The following UBE4B variants were observed in gnomAD, a reference collection of about 807,000 sequenced individuals.
UBE4B encodes the protein ubiquitination factor E4B, also known as ubiquitin conjugation factor E4 B.
UBE4B carries 27 observed loss-of-function variants against 148.1 expected under a neutral mutation model. That is an observed-to-expected ratio of 0.18 (90% CI 0.13 to 0.25). UBE4B has a LOEUF of 0.25. UBE4B is among the 10% of genes least tolerant of loss of function. The probability of loss-of-function intolerance (pLI) is 1.00; values close to 1 mark genes in which losing one functional copy is unlikely to be tolerated. For missense variants in UBE4B, 1,170 were observed against 1,662.4 expected (o/e 0.70, Z 5.15); for synonymous variants, 596 against 619.3 (o/e 0.96, Z 0.56).
At chr1:10,050,461 G>C (rs983216093) in intron 1 of UBE4B, among the ~76,000 whole-genome samples, 5 of 152,192 alleles carry the variant, frequency 3.3e-5, no homozygotes, top group Non-Finnish European at 4.4e-5. Context: ...GCAGCTGAAG[G>C]AGTAGGTGAT....
At chr1:10,116,454 C>T (rs1178309544) in intron 7 of UBE4B, among the ~76,000 whole-genome samples, 1 of 152,102 alleles carries the variant, frequency 6.6e-6, no homozygotes, top group Non-Finnish European at 1.5e-5. Context: ...TATTACCATC[C>T]TTTATCATCT....
intron 1 of UBE4B, among the ~76,000 whole-genome samples, chr1:10,068,035 T>G (rs1222552955): frequency 1.3e-5 from 2 of 149,462 alleles, no homozygotes; most frequent in African/African-American, 2.5e-5. Context: ...GCCAGTTTTT[T>G]TTTTTTTTTT....
chr1:10,059,357 G>T, intron 1 of UBE4B: 1 of 185,448 alleles, frequency 5.4e-6, no homozygotes, highest in Non-Finnish European at 1.2e-5. Flanking sequence ...TTCTGTAAGA[G>T]TCTGAAGGAC....
intron 7 of UBE4B, among the ~76,000 whole-genome samples, chr1:10,113,907 A>T (rs1442790016): frequency 6.6e-6 from 1 of 152,112 alleles, no homozygotes; most frequent in Non-Finnish European, 1.5e-5. Flanking sequence ...TCTACTAAAA[A>T]TACAAAAATT....
intron 1 of UBE4B, among the ~76,000 whole-genome samples, chr1:10,055,851 G>A (rs570236211): frequency 8.3e-4 from 127 of 152,296 alleles, no homozygotes; most frequent in African/African-American, 2.9e-3. Flanking sequence ...AGCTGGGGAT[G>A]GAGGTTGCAG....
chr1:10,080,075 G>T (rs1644651601), intron 2 of UBE4B, among the ~76,000 whole-genome samples: 1 of 152,092 alleles, frequency 6.6e-6, no homozygotes, highest in African/African-American at 2.4e-5. Flanking sequence ...CAGGCTCCCG[G>T]CTATGCATTG....
intron 27 of UBE4B, 111 bp from the exon 28 acceptor site, chr1:10,179,784 A>C (rs1172846696): frequency 6.9e-7 from 1 of 1,454,556 alleles, no homozygotes; most frequent in East Asian, 2.3e-5. Context: ...TCTTCGGCTC[A>C]ATGAGGGAAA....
chr1:10,161,189 C>T lies in UBE4B; in HGVS notation c.3101C>T (p.Thr1034Met). The T allele has an allele frequency of 6.2e-7, 1 of 1,614,108 alleles. No homozygotes were observed. Among genetic ancestry groups the T allele is most frequent in the Non-Finnish European group, 8.5e-7 (1 of 1,180,014 alleles). Residue 1034 changes from threonine (T) to methionine (M), a missense_variant, in exon 23 of 28, where the codon ACG becomes ATG. By Grantham distance (81) the Thr-to-Met change is moderately conservative. Coordinates refer to ENST00000343090, the MANE Select transcript of UBE4B (RefSeq NM_001105562.3). This position sits in a 1 kb window ranked among gnomAD's most constrained non-coding sequence, Gnocchi z 4.1. ...VRYINMLIND[T>M]TFLLDESLES... ...TATATAAACATGTTGATAAACGACA[C>T]GACGTTTTTGCTCGATGAAAGTCTG...
intron 21 of UBE4B, among the ~76,000 whole-genome samples, chr1:10,153,243 A>C (rs373722567): frequency 6.6e-6 from 1 of 152,058 alleles, no homozygotes; most frequent in African/African-American, 2.4e-5. Flanking sequence ...CGGTGACTCC[A>C]GCTAATAATC....
At chr1:10,169,042 C>T (rs567885485) in intron 24 of UBE4B, among the ~76,000 whole-genome samples, 1 of 152,236 alleles carries the variant, frequency 6.6e-6, no homozygotes, top group African/African-American at 2.4e-5. Flanking sequence ...TAATGGGAGC[C>T]GGCCATCACT....
intron 25 of UBE4B, among the ~76,000 whole-genome samples, chr1:10,173,804 C>T (rs1646373907): frequency 6.6e-6 from 1 of 152,208 alleles, no homozygotes; most frequent in Admixed American, 6.5e-5. Flanking sequence ...CTTAACGTAA[C>T]ACACAGAAGG....
At chr1:10,171,888 A>G (rs756534871) in intron 25 of UBE4B, among the ~76,000 whole-genome samples, 2 of 152,172 alleles carry the variant, frequency 1.3e-5, no homozygotes, top group Non-Finnish European at 2.9e-5. Context: ...CTCAAAATAA[A>G]TAAATAAGTA....
intron 2 of UBE4B, among the ~76,000 whole-genome samples, chr1:10,084,393 A>G (rs1644730912): frequency 1.3e-5 from 2 of 152,010 alleles, no homozygotes; most frequent in African/African-American, 4.8e-5. Flanking sequence ...CTCTTCATGT[A>G]ATTCACTATC....
chr1:10,039,697 G>C (rs192694792), intron 1 of UBE4B, among the ~76,000 whole-genome samples: 1 of 151,616 alleles, frequency 6.6e-6, no homozygotes, highest in African/African-American at 2.4e-5. Flanking sequence ...GCCTCTGCCT[G>C]CCAAAGTGCT....
chr1:10,123,463 T>A (rs1645443844), intron 10 of UBE4B, among the ~76,000 whole-genome samples: 1 of 151,048 alleles, frequency 6.6e-6, no homozygotes, highest in African/African-American at 2.4e-5. Context: ...ATTACTGTCT[T>A]GGAAGGTTTG....
At chr1:10,046,813 C>A (rs564889714) in intron 1 of UBE4B, among the ~76,000 whole-genome samples, 68 of 152,276 alleles carry the variant, frequency 4.5e-4, no homozygotes, top group Non-Finnish European at 7.2e-4. Context: ...CCCTACTTAG[C>A]CCCAAATTAC....
intron 17 of UBE4B, among the ~76,000 whole-genome samples, chr1:10,144,239 A>ACGATGC (rs1221239755): frequency 1.3e-5 from 2 of 152,178 alleles, no homozygotes; most frequent in Non-Finnish European, 2.9e-5. Context: ...GTTGTAAAGG[A>ACGATGC]CGATGCCGTT....
intron 2 of UBE4B, chr1:10,072,448 A>G: frequency 1.5e-6 from 1 of 662,790 alleles, no homozygotes; most frequent in Admixed American, 2.9e-5. Flanking sequence ...TTTTTTTTTC[A>G]AACAGGTTTA....
intron 1 of UBE4B, among the ~76,000 whole-genome samples, chr1:10,040,721 G>A (rs1488349859): frequency 2.0e-5 from 3 of 151,772 alleles, no homozygotes; most frequent in Non-Finnish European, 4.4e-5. Flanking sequence ...AGGTTCAAGC[G>A]ATTCTCCTGC....
Sources: gnomAD v4.1 joint callset for allele counts (sites outside exome capture counted in the v4.1 genomes callset) on GRCh38, gnomAD v4.1.1 for gene constraint, Gnocchi (gnomAD v3.1) non-coding constraint, MANE v1.5 for transcripts, NCBI Gene and HGNC (gene_info 2026-07-23, HGNC 2026-07-21) for gene names.